The following GFI1B variants were observed in gnomAD, a reference collection of about 807,000 sequenced individuals.
GFI1B encodes the protein growth factor independent 1B transcriptional repressor, also known as zinc finger protein Gfi-1b.
A neutral mutation model predicts 35.3 loss-of-function variants in GFI1B; 20 were observed. That is an observed-to-expected ratio of 0.57 (90% CI 0.40 to 0.82). The LOEUF is 0.82. Ranked by LOEUF, GFI1B falls within the 40% of genes least tolerant of loss-of-function variation. GFI1B has a pLI of 0.00. For synonymous variants in GFI1B, 178 were observed against 177.6 expected, an observed-to-expected ratio of 1.00 and a Z score of -0.02; for missense variants, 430 against 446.3, an observed-to-expected ratio of 0.96 and a Z score of 0.33.
intron 1 of GFI1B, chr9:132,951,569 TC>T (rs1848203151): frequency 6.6e-6 from 1 of 152,240 alleles, no homozygotes; most frequent in Non-Finnish European, 1.5e-5. Context: ...CACTCCTTTT[TC>T]TTTTTGACTT....
chr9:132,965,638 A>G (rs1267067683), intron 1 of GFI1B, among the ~76,000 whole-genome samples: 1 of 152,200 alleles, frequency 6.6e-6, no homozygotes, highest in East Asian at 1.9e-4. Context: ...AGGCCCCATG[A>G]AGGCAGAGGC....
At chr9:132,976,539 G>T (rs934153241), upstream of GFI1B, 1 of 152,328 alleles carries the variant, frequency 6.6e-6, no homozygotes, top group South Asian at 2.1e-4. Flanking sequence ...GAGGCAGGAG[G>T]ATCGCTTGAG....
upstream of GFI1B, among the ~76,000 whole-genome samples, chr9:132,975,776 G>C (rs1193379141): frequency 6.6e-6 from 1 of 152,244 alleles, no homozygotes; most frequent in Non-Finnish European, 1.5e-5. Flanking sequence ...GCATGGGAAT[G>C]CGGAAGCGAT....
intron 1 of GFI1B, among the ~76,000 whole-genome samples, chr9:132,950,148 T>C (rs1403491449): frequency 6.6e-6 from 1 of 152,036 alleles, no homozygotes; most frequent in Non-Finnish European, 1.5e-5. Flanking sequence ...CAAATTCTAC[T>C]TTTACCTGAG....
At chr9:132,956,557 T>C (rs1011419542) in intron 1 of GFI1B, among the ~76,000 whole-genome samples, 1 of 152,218 alleles carries the variant, frequency 6.6e-6, no homozygotes, top group Admixed American at 6.5e-5. Flanking sequence ...AGTACAGCAG[T>C]TTGACTTCTC....
In GFI1B at chr9:132,989,923, C is replaced by G; in HGVS notation, c.814+16C>G. On this transcript the variant is annotated intron_variant, in intron 6 of 6. Transcript: ENST00000372122. The surrounding 1 kb of genome is among the most constrained non-coding windows in gnomAD (Gnocchi z 6.2). Reference sequence around the variant, plus strand: ...ATCCACACAGGTGAGTGAGTCTCACCTGCCTGTGCCCCCTGGGCAGAGCAC... The same window carrying G: ...ATCCACACAGGTGAGTGAGTCTCACGTGCCTGTGCCCCCTGGGCAGAGCAC... 6.2e-7 allele frequency: 1 copy of G among 1,612,050 alleles called. No homozygotes were observed. The highest frequency in any genetic ancestry group is 8.5e-7 in the Non-Finnish European group (1 of 1,178,100).
chr9:132,992,323 T>C (rs1849318483), downstream of GFI1B, among the ~76,000 whole-genome samples: 1 of 152,184 alleles, frequency 6.6e-6, no homozygotes, highest in South Asian at 2.1e-4. Context: ...ATTGGCTGAA[T>C]AATGGCCCCA....
downstream of GFI1B, among the ~76,000 whole-genome samples, chr9:132,992,771 G>A (rs774202885): frequency 2.0e-5 from 3 of 152,126 alleles, no homozygotes; most frequent in African/African-American, 7.2e-5. Flanking sequence ...GTTATGTGTG[G>A]ATAACTTCAG....
intron 1 of GFI1B, chr9:132,962,688 A>G: frequency 2.1e-6 from 1 of 465,634 alleles, no homozygotes; most frequent in Non-Finnish European, 4.2e-6. Flanking sequence ...ATGAGATGAC[A>G]CACATATTAT....
chr9:132,978,347 G>GA (rs11431658), upstream of GFI1B, among the ~76,000 whole-genome samples: 22,582 of 151,758 alleles, frequency 0.15, 2,236 homozygotes, highest in East Asian at 0.49. Flanking sequence ...AAAGAAAGAA[G>GA]AAAAAAACCA....
chr9:132,979,740 TAA>T (rs570545538), intron 1 of GFI1B, among the ~76,000 whole-genome samples: 52 of 152,280 alleles, frequency 3.4e-4, no homozygotes, highest in South Asian at 1.0e-3. Context: ...AAACCAAGTT[TAA>T]GTGTTGAGGC....
intron 1 of GFI1B, among the ~76,000 whole-genome samples, chr9:132,968,176 G>A (rs1028158289): frequency 3.3e-5 from 5 of 151,642 alleles, no homozygotes; most frequent in African/African-American, 1.2e-4. Context: ...GAGTGCACTG[G>A]TGATCATAGC....
intron 1 of GFI1B, among the ~76,000 whole-genome samples, chr9:132,984,054 C>T (rs1371642879): frequency 6.6e-6 from 1 of 152,262 alleles, no homozygotes; most frequent in East Asian, 1.9e-4. Context: ...TGACCAGCTC[C>T]TCTTCTATCA....
downstream of GFI1B, among the ~76,000 whole-genome samples, chr9:132,992,689 T>TTC (rs1257650500): frequency 6.6e-6 from 1 of 152,164 alleles, no homozygotes; most frequent in Non-Finnish European, 1.5e-5. Flanking sequence ...CCAGAAGGTC[T>TTC]TCTCTCTCCT....
At chr9:132,948,946 T>C (rs1588401955) in intron 1 of GFI1B, among the ~76,000 whole-genome samples, 1 of 152,072 alleles carries the variant, frequency 6.6e-6, no homozygotes, top group Non-Finnish European at 1.5e-5. Context: ...CAGGGTCAGG[T>C]GAGCGAGGAA....
At chr9:132,958,382 G>A (rs1045980527) in intron 1 of GFI1B, among the ~76,000 whole-genome samples, 8 of 152,162 alleles carry the variant, frequency 5.3e-5, no homozygotes, top group East Asian at 1.9e-4. Flanking sequence ...GAACCATAGC[G>A]GCATCTGCTT....
At chr9:132,973,589 T>G (rs1848571875) in intron 2 of GFI1B, among the ~76,000 whole-genome samples, 1 of 152,242 alleles carries the variant, frequency 6.6e-6, no homozygotes, top group South Asian at 2.1e-4. Flanking sequence ...AACAGATGAC[T>G]CCCTGGATTG....
In GFI1B at chr9:132,987,333, C is replaced by T. The variant is rs1849108681; in HGVS notation, c.152C>T (p.Pro51Leu). ...AGCCCTGTCCTTAGCACTCTATTCCCAAACCAGTGCCTGGACTGGACCAAC... is the reference window on the plus strand; with the variant it reads ...AGCCCTGTCCTTAGCACTCTATTCCTAAACCAGTGCCTGGACTGGACCAAC... Reference protein sequence around the residue: ...SNSPVLSTLFPNQCLDWTNLK... With the variant: ...SNSPVLSTLFLNQCLDWTNLK... Residue 51 changes from proline to leucine, a missense_variant, in exon 3 of 7, where the codon CCA (proline) becomes CTA (leucine). Coordinates refer to ENST00000372122, the MANE Select transcript of GFI1B (RefSeq NM_001377304.1). The T allele has an allele frequency of 6.2e-7, 1 of 1,614,090 alleles. No homozygotes were observed. The highest frequency in any genetic ancestry group is 1.7e-5 in the Admixed American group (1 of 60,014).
downstream of GFI1B, among the ~76,000 whole-genome samples, chr9:132,993,156 T>C (rs1348169372): frequency 6.6e-6 from 1 of 152,124 alleles, no homozygotes; most frequent in East Asian, 1.9e-4. Flanking sequence ...TAGCTGGGCA[T>C]GGTGGCGCGT....
Sources: gnomAD v4.1 joint callset for allele counts (sites outside exome capture counted in the v4.1 genomes callset) on GRCh38, gnomAD v4.1.1 for gene constraint, Gnocchi (gnomAD v3.1) non-coding constraint, MANE v1.5 for transcripts, NCBI Gene and HGNC (gene_info 2026-07-23, HGNC 2026-07-21) for gene names.